L3MBTL4: variants seen among roughly 807,000 people sequenced by gnomAD.
The protein encoded by L3MBTL4 is lethal(3)malignant brain tumor-like protein 4.
L3MBTL4 carries 70 observed loss-of-function variants against 84.5 expected under a neutral mutation model. That is an observed-to-expected ratio of 0.83 (90% CI 0.68 to 1.01). The LOEUF (loss-of-function observed/expected upper bound fraction) is 1.01. Ranked by LOEUF, L3MBTL4 falls within the 50% of genes least tolerant of loss-of-function variation. L3MBTL4 has a pLI of 0.00. For synonymous variants in L3MBTL4, 274 were observed against 259.8 expected (o/e 1.05, Z -0.52); for missense variants, 715 against 754.8 (o/e 0.95, Z 0.62).
chr18:6,187,972 G>C (rs926204077), intron 12 of L3MBTL4, among the ~76,000 whole-genome samples: 1 of 150,372 alleles, frequency 6.7e-6, no homozygotes, highest in Non-Finnish European at 1.5e-5. Flanking sequence ...TCTAGGGCTA[G>C]TTTTCTACTT....
At chr18:6,378,587 ATTGC>A (rs376312193) in intron 1 of L3MBTL4, among the ~76,000 whole-genome samples, 4,432 of 152,196 alleles carry the variant, frequency 0.029, 73 homozygotes, top group Non-Finnish European at 0.043. Context: ...TCCTTTCCCC[ATTGC>A]TTGTTTGTGT....
At chr18:6,257,042 A>G (rs960286462) in intron 5 of L3MBTL4, among the ~76,000 whole-genome samples, 2 of 152,208 alleles carry the variant, frequency 1.3e-5, no homozygotes, top group African/African-American at 4.8e-5. Context: ...CTTGTATTTA[A>G]GCAAGTCATC....
intron 1 of L3MBTL4, among the ~76,000 whole-genome samples, chr18:6,384,694 C>T (rs1396022602): frequency 2.0e-5 from 3 of 152,200 alleles, no homozygotes; most frequent in Non-Finnish European, 4.4e-5. Flanking sequence ...TGCTTCTTCT[C>T]CTGAAAAGAA....
At chr18:6,223,536 A>G (rs1568339951) in intron 10 of L3MBTL4, among the ~76,000 whole-genome samples, 1 of 152,228 alleles carries the variant, frequency 6.6e-6, no homozygotes, top group African/African-American at 2.4e-5. Flanking sequence ...GACAAAAAAA[A>G]CATGGGCTTA....
intron 14 of L3MBTL4, among the ~76,000 whole-genome samples, chr18:6,133,197 G>A (rs926064300): frequency 2.6e-5 from 4 of 152,226 alleles, no homozygotes; most frequent in South Asian, 2.1e-4. Flanking sequence ...TGATGGAACC[G>A]TTCCATATCT....
Position 6,092,865 on chromosome 18 carries a change from G to T in L3MBTL4, c.1373+490C>A, listed in dbSNP as rs555809281. ...TTTAGGAACAGAGGGAAGATGTGTTGTCAATAAATTAAAATGGAAACTATT... is the reference window on the plus strand; with the variant it reads ...TTTAGGAACAGAGGGAAGATGTGTTTTCAATAAATTAAAATGGAAACTATT... On this transcript the variant is annotated intron_variant, in intron 15 of 18. Transcript: ENST00000317931. 2.2e-3 allele frequency among the ~76,000 whole-genome samples: 339 copies of T among 152,288 alleles called. 1 individual carries two copies. Among genetic ancestry groups the T allele is most frequent in the African/African-American group, 7.9e-3 (330 of 41,566 alleles).
At chr18:6,225,917 C>CT (rs1318095285) in intron 10 of L3MBTL4, among the ~76,000 whole-genome samples, 4 of 151,886 alleles carry the variant, frequency 2.6e-5, no homozygotes, top group African/African-American at 7.3e-5. Flanking sequence ...AAAATAAAGG[C>CT]TTTTCCAGGC....
intron 1 of L3MBTL4, among the ~76,000 whole-genome samples, chr18:6,404,021 T>A (rs181519517): frequency 6.7e-6 from 1 of 150,072 alleles, no homozygotes; most frequent in African/African-American, 2.5e-5. Flanking sequence ...TCAAATATTC[T>A]CACTTCTAAC....
chr18:6,357,371 C>T (rs903968722), intron 1 of L3MBTL4, among the ~76,000 whole-genome samples: 1 of 151,998 alleles, frequency 6.6e-6, no homozygotes, highest in Non-Finnish European at 1.5e-5. Flanking sequence ...GTAAAAGCAC[C>T]AAACAAAAAA....
At chr18:6,277,504 T>C (rs1355050202) in intron 4 of L3MBTL4, among the ~76,000 whole-genome samples, 1 of 152,198 alleles carries the variant, frequency 6.6e-6, no homozygotes, top group Admixed American at 6.5e-5. Flanking sequence ...TCTATTACTA[T>C]ACCACCAGAA....
chr18:6,063,775 G>C (rs889151884), intron 16 of L3MBTL4, among the ~76,000 whole-genome samples: 13 of 151,832 alleles, frequency 8.6e-5, no homozygotes, highest in African/African-American at 3.1e-4. Context: ...TAAATGCATA[G>C]TTTGCAAATA....
intron 16 of L3MBTL4, among the ~76,000 whole-genome samples, chr18:5,973,283 T>A (rs1279916761): frequency 6.6e-6 from 1 of 152,128 alleles, no homozygotes; most frequent in Non-Finnish European, 1.5e-5. Context: ...GAAGTCCTAG[T>A]GGAAGGAAGT....
intron 1 of L3MBTL4, among the ~76,000 whole-genome samples, chr18:6,319,605 C>A (rs1361942328): frequency 1.3e-5 from 2 of 151,896 alleles, no homozygotes; most frequent in African/African-American, 4.8e-5. Context: ...CTTGAACAGA[C>A]CAGTAACAAG....
chr18:6,107,183 G>A (rs59434210), intron 14 of L3MBTL4, among the ~76,000 whole-genome samples: 3,005 of 152,198 alleles, frequency 0.02, 102 homozygotes, highest in African/African-American at 0.069. Context: ...TCCTGTTGCC[G>A]CCCTTGTTGT....
chr18:6,242,039 C>T (rs952043931), intron 7 of L3MBTL4, among the ~76,000 whole-genome samples: 3 of 152,178 alleles, frequency 2.0e-5, no homozygotes, highest in African/African-American at 4.8e-5. Context: ...ATTCGCATGC[C>T]CTGGCGTGGC....
intron 14 of L3MBTL4, among the ~76,000 whole-genome samples, chr18:6,122,779 G>A (rs1159004657): frequency 2.0e-5 from 3 of 152,042 alleles, no homozygotes; most frequent in African/African-American, 7.2e-5. Flanking sequence ...TTTAAAGAAT[G>A]GTGTTTATCC....
intron 13 of L3MBTL4, among the ~76,000 whole-genome samples, chr18:6,151,582 A>G (rs977489748): frequency 2.0e-4 from 31 of 152,010 alleles, no homozygotes; most frequent in African/African-American, 7.2e-4. Context: ...TTTAGTAGAG[A>G]CGGGGTTTCA....
intron 15 of L3MBTL4, among the ~76,000 whole-genome samples, chr18:6,088,840 C>T (rs1414265613): frequency 6.6e-6 from 1 of 152,188 alleles, no homozygotes; most frequent in Non-Finnish European, 1.5e-5. Flanking sequence ...TATTCCACTA[C>T]ATGCCATCCT....
chr18:6,285,046 T>G (rs1295237720), intron 4 of L3MBTL4, among the ~76,000 whole-genome samples: 5 of 152,186 alleles, frequency 3.3e-5, no homozygotes, highest in Non-Finnish European at 7.4e-5. Flanking sequence ...GAGTCCAGTT[T>G]CCGGAGGGCG....
Sources: gnomAD v4.1 joint callset for allele counts (sites outside exome capture counted in the v4.1 genomes callset) on GRCh38, gnomAD v4.1.1 for gene constraint, MANE v1.5 for transcripts, NCBI Gene and HGNC (gene_info 2026-07-23, HGNC 2026-07-21) for gene names.